DHX58: variants seen among roughly 807,000 people sequenced by gnomAD.
The protein encoded by DHX58 is ATP-dependent RNA helicase DHX58.
A neutral mutation model predicts 65.0 loss-of-function variants in DHX58; 51 were observed. The observed-to-expected ratio is 0.78, with a 90% confidence interval of 0.63 to 0.99. DHX58 has a LOEUF of 0.99. DHX58 is among the 50% of genes least tolerant of loss of function. The pLI is 0.00. For synonymous variants in DHX58, 350 were observed against 365.0 expected, an observed-to-expected ratio of 0.96 and a Z score of 0.47; for missense variants, 773 against 891.8, an observed-to-expected ratio of 0.87 and a Z score of 1.70.
rs1555663027 is a variant in DHX58, at chr17:42,107,652, T to C, written c.949A>G (p.Lys317Glu). 1.2e-6 allele frequency: 2 copies of C among 1,613,232 alleles called. No homozygotes were observed. Among genetic ancestry groups the C allele is most frequent in the Non-Finnish European group, 1.7e-6 (2 of 1,179,728 alleles). The change falls in exon 8 of 14, where the codon AAA becomes GAA. Residue 317 changes from lysine (K) to glutamate (E), a missense_variant. By Grantham distance (56) the Lys-to-Glu change is moderately conservative. Coordinates refer to ENST00000251642, the MANE Select transcript of DHX58 (RefSeq NM_024119.3). ...QDFYHREHVT[K>E]TQILCAERRL... The stretch of plus-strand genomic sequence containing the variant: ...CGCTCGGCACACAGGATCTGGGTTT[T>C]AGTGACGTGCTCCCTGTGATAGAAA...
At position 42,108,064 on chromosome 17, in the gene DHX58, A is replaced by G. The variant is rs374027183; in HGVS notation, c.723T>C (p.His241=). ...TCAACTCAGGCATCTCCAGGTGGTC[A>G]TGGATTTGGTCCATGAGCTTCTTCA... ...DLLKKLMDQI[H]DHLEMPELSR... Residue 241 remains histidine (H), a synonymous_variant, in exon 7 of 14, where the codon CAT becomes CAC. Coordinates refer to ENST00000251642, the MANE Select transcript of DHX58 (RefSeq NM_024119.3). 2.5e-6 allele frequency: 4 copies of G among 1,614,118 alleles called. No homozygotes were observed. In the African/African-American group the frequency reaches 5.3e-5, roughly 22 times the overall value.
In DHX58 at chr17:42,111,842, G is replaced by C. The variant is rs373351984; in HGVS notation, c.51C>G (p.Gly17=). 2.5e-6 allele frequency: 4 copies of C among 1,613,972 alleles called. No individual in the cohort carries two copies. The African/African-American group carries it at 5.3e-5, about 22-fold the overall frequency. The change falls in exon 3 of 14, where the codon GGC becomes GGG. Residue 17 remains glycine (G), a synonymous_variant. Transcript: ENST00000251642. Reference sequence around the variant, plus strand: ...TGGGCAGCCAGATGATGATATTCTTGCCCTCCAGGGCAGGCATGATCACCT... The same window carrying C: ...TGGGCAGCCAGATGATGATATTCTTCCCCTCCAGGGCAGGCATGATCACCT... The part of the protein sequence containing the change: ...QWEVIMPALE[G]KNIIIWLPTG...
chr17:42,111,592 A>G, intron 3 of DHX58, 95 bp from the exon 4 acceptor site: 1 of 1,579,398 alleles, frequency 6.3e-7, no homozygotes, highest in South Asian at 1.2e-5. Flanking sequence ...CTGGGTACTG[A>G]GCCAGGGTGG....
At chr17:42,111,964 AC>A in intron 2 of DHX58, 71 bp from the exon 3 acceptor site, 1 of 1,520,326 alleles carries the variant, frequency 6.6e-7, no homozygotes, top group Non-Finnish European at 8.8e-7. Context: ...ACCAGTCAGT[AC>A]AGAGACCTCC....
intron 7 of DHX58, 42 bp from the exon 8 acceptor site, chr17:42,107,837 G>GC (rs782033618): frequency 3.3e-6 from 5 of 1,531,144 alleles, no homozygotes; most frequent in Non-Finnish European, 3.5e-6. Context: ...CCACAGCCCC[G>GC]CCCCCTGCCC....
At chr17:42,104,281 C>T (rs2143988549) in intron 11 of DHX58, among the ~76,000 whole-genome samples, 1 of 151,764 alleles carries the variant, frequency 6.6e-6, no homozygotes, top group Non-Finnish European at 1.5e-5. Flanking sequence ...GGTAAGCTTT[C>T]CTGCTCAATC....
At chr17:42,110,442 C>G (rs968066254) in intron 5 of DHX58, among the ~76,000 whole-genome samples, 9 of 152,192 alleles carry the variant, frequency 5.9e-5, no homozygotes, top group Non-Finnish European at 1.2e-4. Flanking sequence ...ATGCAGAAGG[C>G]AGGCCAGTGT....
rs1404629204 is a variant in DHX58 at position 42,101,688 on chromosome 17, G to A, written c.*73C>T. ...ATGCCCACAGCTGATGATTCAGGAA[G>A]GAGGGGCCTGGAGTCTGCTGCAGAC... is the stretch of plus-strand genomic sequence containing the variant. On this transcript the variant is annotated 3_prime_UTR_variant, in exon 14 of 14. Coordinates refer to ENST00000251642, the MANE Select transcript of DHX58 (RefSeq NM_024119.3). 1.9e-6 allele frequency: 3 copies of A among 1,548,494 alleles called. No homozygotes were observed. The highest frequency in any genetic ancestry group is 4.5e-5 in the East Asian group (2 of 44,162).
Position 42,104,939 on chromosome 17 carries a change from G to A in DHX58, c.1402-12C>T. 1 of 1,613,936 alleles carries A rather than the reference G, an allele frequency of 6.2e-7. No homozygotes were observed. Among genetic ancestry groups the A allele is most frequent in the Non-Finnish European group, 8.5e-7 (1 of 1,179,938 alleles). On this transcript the variant is annotated splice_polypyrimidine_tract_variant and intron_variant, in intron 10 of 13. Coordinates refer to ENST00000251642, the MANE Select transcript of DHX58 (RefSeq NM_024119.3). ...GCACGGCCCCTGGCCTGGGAAGAGAGACAAGGGGTGTCCTGAGTTGGGCTG... is the reference window on the plus strand; with the variant it reads ...GCACGGCCCCTGGCCTGGGAAGAGAAACAAGGGGTGTCCTGAGTTGGGCTG...
chr17:42,102,067 G>T, intron 13 of DHX58, 121 bp from the exon 14 acceptor site: 1 of 1,442,232 alleles, frequency 6.9e-7, no homozygotes, highest in Non-Finnish European at 9.5e-7. Flanking sequence ...CACAGACTGT[G>T]GGCTCCCTTA....
intron 6 of DHX58, among the ~76,000 whole-genome samples, chr17:42,108,964 G>T (rs1328385771): frequency 6.6e-6 from 1 of 152,244 alleles, no homozygotes; most frequent in Non-Finnish European, 1.5e-5. Flanking sequence ...ACACGAGGCC[G>T]TGTCCACACT....
At position 42,111,819 on chromosome 17, in the gene DHX58, G is replaced by T. The variant is rs550521451; in HGVS notation, c.74C>A (p.Pro25His). ...LEGKNIIIWL[P>H]TGAGKTRAAA... Reference sequence around the variant, plus strand: ...CGCCCGGGTCTTCCCGGCACCCGTGGGCAGCCAGATGATGATATTCTTGCC... The same window carrying T: ...CGCCCGGGTCTTCCCGGCACCCGTGTGCAGCCAGATGATGATATTCTTGCC... The change falls in exon 3 of 14, where the codon CCC (proline) becomes CAC (histidine). Residue 25 changes from proline to histidine, a missense_variant. Coordinates refer to ENST00000251642, the MANE Select transcript of DHX58 (RefSeq NM_024119.3). 3 of 1,614,110 alleles carry T rather than the reference G, an allele frequency of 1.9e-6. No homozygotes were observed. The African/African-American group carries it at 4.0e-5, about 22-fold the overall frequency.
chr17:42,101,651 C>G lies in DHX58; in HGVS notation c.*110G>C. 7.0e-7 allele frequency: 1 copy of G among 1,428,056 alleles called. No individual in the cohort carries two copies. The highest frequency in any genetic ancestry group is 9.5e-7 in the Non-Finnish European group (1 of 1,052,312). 88.5% of individuals were successfully genotyped at this position (1,428,056 alleles called of 1,614,324 possible). ...CAGGGTGCCCAGGACTCCTGTGTGG[C>G]TGGTGGGCCTGATGCCCACAGCTGA... On this transcript the variant is annotated 3_prime_UTR_variant, in exon 14 of 14. Transcript: ENST00000251642.
At chr17:42,108,788 A>G (rs1408406042) in intron 6 of DHX58, among the ~76,000 whole-genome samples, 1 of 152,256 alleles carries the variant, frequency 6.6e-6, no homozygotes, top group Non-Finnish European at 1.5e-5. Context: ...GCTGCTGAAT[A>G]AAACTACATT....
chr17:42,111,701 G>A lies in DHX58; in HGVS notation c.168+24C>T, dbSNP rs1457795855. On this transcript the variant is annotated intron_variant, in intron 3 of 13. Transcript: ENST00000251642. Reference sequence around the variant, plus strand: ...TAAGACCCTGCTTGGTGGTGGGAGAGCGGGGTAGGGACAGACCACTCACCC... The same window carrying A: ...TAAGACCCTGCTTGGTGGTGGGAGAACGGGGTAGGGACAGACCACTCACCC... 3 of 1,590,572 alleles carry A rather than the reference G, an allele frequency of 1.9e-6. No individual in the cohort carries two copies. The African/African-American group carries it at 4.0e-5, about 21-fold the overall frequency.
Position 42,107,787 on chromosome 17 carries a change from C to G in DHX58, c.814G>C (p.Ala272Pro). ...VVKLSEAAAL[A>P]GLQEQRVYAL... Reference sequence around the variant, plus strand: ...TACACCCGTTGCTCCTGAAGCCCAGCCAAAGCCGCTGCGGGAAGAGGGCGC... The same window carrying G: ...TACACCCGTTGCTCCTGAAGCCCAGGCAAAGCCGCTGCGGGAAGAGGGCGC... The change falls in exon 8 of 14, where the codon GCT becomes CCT. Residue 272 changes from alanine to proline, a missense_variant. Transcript: ENST00000251642. The G allele has an allele frequency of 6.3e-7, 1 of 1,576,622 alleles. No homozygotes were observed. Among genetic ancestry groups the G allele is most frequent in the Non-Finnish European group, 8.6e-7 (1 of 1,160,152 alleles).
chr17:42,107,837 GC>G (rs782033618), intron 7 of DHX58, 42 bp from the exon 8 acceptor site: 3 of 1,531,142 alleles, frequency 2.0e-6, no homozygotes, highest in Non-Finnish European at 2.6e-6. Context: ...CCACAGCCCC[GC>G]CCCCTGCCCT....
chr17:42,102,002 TCTC>T lies in DHX58; in HGVS notation c.1852-59_1852-57del, dbSNP rs368089976. ...GGTCTCTGGCCTCAGACTGGGCTTC[TCTC>T]CTCAAGTTGGAATTCCCTGAATACA... is the stretch of plus-strand genomic sequence containing the variant. On this transcript the variant is annotated intron_variant, in intron 13 of 13. Transcript: ENST00000251642. The T allele has an allele frequency of 8.9e-4, 1,372 of 1,541,508 alleles. 3 individuals carry two copies. In the African/African-American group the frequency reaches 0.011, roughly 13 times the overall value.
chr17:42,110,682 G>A, intron 5 of DHX58, 41 bp downstream of exon 5: 1 of 1,539,650 alleles, frequency 6.5e-7, no homozygotes, highest in Non-Finnish European at 8.7e-7. Context: ...GGAAGTCCCT[G>A]GTGGGTCTGG....
Sources: gnomAD v4.1 joint callset for allele counts (sites outside exome capture counted in the v4.1 genomes callset) on GRCh38, gnomAD v4.1.1 for gene constraint, MANE v1.5 for transcripts, NCBI Gene and HGNC (gene_info 2026-07-23, HGNC 2026-07-21) for gene names.